The following ALDH5A1 variants were observed in gnomAD, a reference collection of about 807,000 sequenced individuals.
ALDH5A1 encodes the protein succinate-semialdehyde dehydrogenase, mitochondrial.
In ALDH5A1, 33 loss-of-function variants were observed where a neutral mutation model predicts 54.7. The observed-to-expected ratio is 0.60, with a 90% CI of 0.46 to 0.81. The LOEUF (loss-of-function observed/expected upper bound fraction) is 0.81. ALDH5A1 is among the 30% of genes least tolerant of loss of function. ALDH5A1 has a pLI of 0.00. For missense variants in ALDH5A1, 657 were observed against 711.0 expected (o/e 0.92, Z 0.86); for synonymous variants, 294 against 292.7 (o/e 1.00, Z -0.05).
intron 5 of ALDH5A1, 122 bp downstream of exon 5, chr6:24,515,432 G>C: frequency 2.4e-6 from 3 of 1,254,134 alleles, no homozygotes; most frequent in Non-Finnish European, 3.4e-6. Context: ...AGTGTTAAAA[G>C]CTCTGTCGCA....
chr6:24,521,579 A>C (rs79257782), intron 6 of ALDH5A1, among the ~76,000 whole-genome samples: 1,924 of 152,342 alleles, frequency 0.013, 20 homozygotes, highest in African/African-American at 0.034. Context: ...TTCTCTATCA[A>C]ATAATTTTCA....
rs1390029007 is a variant in ALDH5A1, at chr6:24,534,572, C to T, written c.*860C>T. On this transcript the variant is annotated 3_prime_UTR_variant, in exon 10 of 10. Transcript: ENST00000357578. Reference sequence around the variant, plus strand: ...CCATGGATACAGTGGAGATTCCATACAGGCCTTACTTAGCTCCTTGCGATA... The same window carrying T: ...CCATGGATACAGTGGAGATTCCATATAGGCCTTACTTAGCTCCTTGCGATA... The T allele has an allele frequency of 1.3e-5, 2 of 152,282 alleles. No individual in the cohort carries two copies. The highest frequency in any genetic ancestry group is 2.9e-5 in the Non-Finnish European group (2 of 68,092). 9.4% of individuals were successfully genotyped at this position (152,282 alleles called of 1,614,324 possible).
At chr6:24,513,367 T>C (rs1759498783) in intron 4 of ALDH5A1, among the ~76,000 whole-genome samples, 1 of 152,180 alleles carries the variant, frequency 6.6e-6, no homozygotes, top group Non-Finnish European at 1.5e-5. Flanking sequence ...ACCCAGCCTC[T>C]TTTCTTTTAA....
rs1581817778 is a variant in ALDH5A1, at chr6:24,519,396, C to A, written c.871-1005C>A. Among the ~76,000 whole-genome samples, 3 of 152,220 alleles carry A rather than the reference C, an allele frequency of 2.0e-5. No individual in the cohort carries two copies. In the East Asian group the frequency reaches 5.8e-4, roughly 29 times the overall value. On this transcript the variant is annotated intron_variant, in intron 5 of 9. Transcript: ENST00000357578. ...CCTGGCCAACATGACGAAACCCCATCTCTACTAAAAATACAAAAATTAGCC... is the reference window on the plus strand; with the variant it reads ...CCTGGCCAACATGACGAAACCCCATATCTACTAAAAATACAAAAATTAGCC...
chr6:24,497,844 G>GAT, intron 1 of ALDH5A1, among the ~76,000 whole-genome samples: 1 of 152,286 alleles, frequency 6.6e-6, no homozygotes, highest in South Asian at 2.1e-4. Context: ...TTTAAGCAGA[G>GAT]ATATGATCTG....
intron 1 of ALDH5A1, among the ~76,000 whole-genome samples, chr6:24,497,066 A>C (rs193076874): frequency 6.6e-6 from 1 of 152,228 alleles, no homozygotes; most frequent in Non-Finnish European, 1.5e-5. Flanking sequence ...CTTTGCAGTG[A>C]GTGTTACAGC....
At chr6:24,497,518 G>A (rs569579848) in intron 1 of ALDH5A1, among the ~76,000 whole-genome samples, 3 of 152,264 alleles carry the variant, frequency 2.0e-5, no homozygotes, top group Admixed American at 6.5e-5. Context: ...GGTGCTGATT[G>A]GTGTGTTTTA....
rs1215711999 is a variant in ALDH5A1, at chr6:24,536,962, T to C, written c.*3250T>C. 1 of 152,688 alleles carries C rather than the reference T, an allele frequency of 6.5e-6. No homozygotes were observed. Among genetic ancestry groups the C allele is most frequent in the Non-Finnish European group, 1.5e-5 (1 of 68,046 alleles). 9.5% of individuals were successfully genotyped at this position (152,688 alleles called of 1,614,324 possible). Reference sequence around the variant, plus strand: ...TAAAAACTGGATCCTAGTGTTTTAATTACCTGTGTGCAGCTATTTTAAATA... The same window carrying C: ...TAAAAACTGGATCCTAGTGTTTTAACTACCTGTGTGCAGCTATTTTAAATA... On this transcript the variant is annotated 3_prime_UTR_variant, in exon 10 of 10. Transcript: ENST00000357578.
intron 4 of ALDH5A1, among the ~76,000 whole-genome samples, chr6:24,505,564 C>G (rs748939530): frequency 2.6e-5 from 4 of 152,142 alleles, no homozygotes; most frequent in African/African-American, 9.7e-5. Flanking sequence ...AAACTTTATA[C>G]TTTCCCTCTG....
chr6:24,508,237 C>T (rs1441514031), intron 4 of ALDH5A1, among the ~76,000 whole-genome samples: 4 of 151,518 alleles, frequency 2.6e-5, no homozygotes, highest in Admixed American at 6.6e-5. Context: ...GTGGCACGCA[C>T]CTGTAGTCCC....
chr6:24,514,537 G>A (rs991731072), intron 4 of ALDH5A1, among the ~76,000 whole-genome samples: 1 of 152,040 alleles, frequency 6.6e-6, no homozygotes, highest in Non-Finnish European at 1.5e-5. Context: ...CCAGGAGTTC[G>A]AGACCAGCCT....
intron 1 of ALDH5A1, among the ~76,000 whole-genome samples, chr6:24,497,062 A>G (rs370722438): frequency 4.6e-5 from 7 of 152,282 alleles, no homozygotes; most frequent in African/African-American, 1.2e-4. Flanking sequence ...GGACCTTTGC[A>G]GTGAGTGTTA....
rs959759715 is a variant in ALDH5A1, at chr6:24,509,951, T to A, written c.726+4966T>A. 6.6e-6 allele frequency among the ~76,000 whole-genome samples: 1 copy of A among 152,138 alleles called. No homozygotes were observed. Among genetic ancestry groups the A allele is most frequent in the African/African-American group, 2.4e-5 (1 of 41,422 alleles). On this transcript the variant is annotated intron_variant, in intron 4 of 9. Coordinates refer to ENST00000357578, the MANE Select transcript of ALDH5A1 (RefSeq NM_001080.3). The surrounding 1 kb of genome is among the most constrained non-coding windows in gnomAD (Gnocchi z 4.7). ...GATGTAAGCATTTAGGGCCATGAAC[T>A]TGGCTCTTGGCACCACCTTTGCTGT... is the stretch of plus-strand genomic sequence containing the variant.
At chr6:24,511,889 G>T (rs1287149607) in intron 4 of ALDH5A1, 1 of 597,902 alleles carries the variant, frequency 1.7e-6, no homozygotes, top group Non-Finnish European at 3.1e-6. Context: ...GTGATTTTTG[G>T]GGGGTGTTAA....
At chr6:24,503,475 A>C (rs755045355) in intron 3 of ALDH5A1, 42 bp downstream of exon 3, 1 of 1,601,704 alleles carries the variant, frequency 6.2e-7, no homozygotes, top group Non-Finnish European at 8.5e-7. Flanking sequence ...GGGAGATTGG[A>C]TAGGGAGTTG....
At position 24,536,989 on chromosome 6, in the gene ALDH5A1, C is replaced by T. The variant is rs886061282; in HGVS notation, c.*3277C>T. 2.6e-5 allele frequency: 4 copies of T among 152,584 alleles called. No individual in the cohort carries two copies. The highest frequency in any genetic ancestry group is 9.7e-5 in the African/African-American group (4 of 41,448). The allele number at this position is 152,584 out of a possible 1,614,324, so 9.5% of individuals were successfully genotyped here. A position where few individuals can be genotyped will look rare whatever the true frequency, so the allele number is the denominator to read the frequency against. On this transcript the variant is annotated 3_prime_UTR_variant, in exon 10 of 10. Transcript: ENST00000357578. ...ACCTGTGTGCAGCTATTTTAAATAG[C>T]ATTTTACTTGAATAATATGTATGTT...
At chr6:24,510,014 T>C (rs902278299) in intron 4 of ALDH5A1, among the ~76,000 whole-genome samples, 2 of 152,192 alleles carry the variant, frequency 1.3e-5, no homozygotes, top group African/African-American at 4.8e-5. Context: ...ACTGTTGTCA[T>C]TCAGTTCAAA....
chr6:24,497,057 T>A (rs1374011728), intron 1 of ALDH5A1, among the ~76,000 whole-genome samples: 1 of 152,132 alleles, frequency 6.6e-6, no homozygotes, highest in African/African-American at 2.4e-5. Context: ...GCCGCGGACC[T>A]TTGCAGTGAG....
chr6:24,498,173 T>C (rs1764749115), intron 1 of ALDH5A1, among the ~76,000 whole-genome samples: 1 of 152,172 alleles, frequency 6.6e-6, no homozygotes, highest in African/African-American at 2.4e-5. Flanking sequence ...GGGTGAGATA[T>C]CAAGAGTTCA....
Sources: allele counts gnomAD v4.1 joint callset (sites outside exome capture counted in the v4.1 genomes callset), GRCh38; gene constraint gnomAD v4.1.1; non-coding constraint Gnocchi (gnomAD v3.1); transcripts MANE v1.5; gene names NCBI Gene and HGNC (gene_info 2026-07-23, HGNC 2026-07-21).